CACNA1S: variants seen among roughly 807,000 people sequenced by gnomAD.
CACNA1S encodes the protein voltage-dependent L-type calcium channel subunit alpha-1S.
A neutral mutation model predicts 207.4 loss-of-function variants in CACNA1S; 126 were observed. The ratio of observed to expected loss-of-function variants is 0.61; its 90% CI spans 0.53 to 0.70. The LOEUF (loss-of-function observed/expected upper bound fraction) is 0.70, where lower values mean the gene tolerates loss of function less well. CACNA1S is among the 30% of genes least tolerant of loss of function. The pLI, the probability that CACNA1S is intolerant of heterozygous loss-of-function variation, is 0.00. For synonymous variants in CACNA1S, 960 were observed against 932.7 expected (o/e 1.03, Z -0.53); for missense variants, 2,349 against 2,422.8 (o/e 0.97, Z 0.64).
Position 201,106,678 on chromosome 1 carries a change from C to T in CACNA1S, c.258+3486G>A, listed in dbSNP as rs550053970. On this transcript the variant is annotated intron_variant, in intron 2 of 43. Transcript: ENST00000362061. Reference sequence around the variant, plus strand: ...CAGGGCAAGTGCAGATTGCCACAAGCGCCTCCTCCTAATCTTCCCCCTCCA... The same window carrying T: ...CAGGGCAAGTGCAGATTGCCACAAGTGCCTCCTCCTAATCTTCCCCCTCCA... Among the ~76,000 whole-genome samples the T allele has an allele frequency of 7.2e-5, 11 of 152,214 alleles. No individual in the cohort carries two copies. In the East Asian group the frequency reaches 1.2e-3, roughly 16 times the overall value.
Position 201,052,601 on chromosome 1 carries a change from G to A in CACNA1S, c.3909C>T (p.Asn1303=). Residue 1303 remains asparagine (N), a synonymous_variant, in exon 32 of 44, where the codon AAC becomes AAT. Transcript: ENST00000362061. The stretch of plus-strand genomic sequence containing the variant: ...CTTGTGGGAAGGTCTGGAAGTTGTT[G>A]TTCCGGTTTATTTGGGTCCCATCCA... The part of the protein sequence containing the change: ...ALVDGTQINR[N]NNFQTFPQAV... 2 of 1,613,986 alleles carry A rather than the reference G, an allele frequency of 1.2e-6. No individual in the cohort carries two copies. Among genetic ancestry groups the A allele is most frequent in the Non-Finnish European group, 1.7e-6 (2 of 1,179,970 alleles).
chr1:201,050,860 C>A, intron 33 of CACNA1S, 124 bp downstream of exon 33: 1 of 1,036,818 alleles, frequency 9.6e-7, no homozygotes, highest in Non-Finnish European at 1.5e-6. Flanking sequence ...CTAACTAGAG[C>A]CTCCTGCGTC....
At chr1:201,069,325 G>GGAGT (rs1661366382) in intron 18 of CACNA1S, 129 bp from the exon 19 acceptor site, 2 of 1,407,732 alleles carry the variant, frequency 1.4e-6, no homozygotes, top group Non-Finnish European at 2.0e-6. Flanking sequence ...CAGAAGGAGT[G>GGAGT]GAGTGGGCAG....
chr1:201,075,930 T>C (rs758696035), intron 12 of CACNA1S, among the ~76,000 whole-genome samples: 4 of 152,180 alleles, frequency 2.6e-5, no homozygotes, highest in Non-Finnish European at 4.4e-5. Context: ...TAGCCAGGCA[T>C]GGTGGTGGGC....
chr1:201,079,119 C>A (rs1362915151), intron 10 of CACNA1S, among the ~76,000 whole-genome samples: 59 of 125,354 alleles, frequency 4.7e-4, no homozygotes, highest in Non-Finnish European at 5.2e-4. Flanking sequence ...GACTCCATCT[C>A]AAAAAAAAAA....
At chr1:201,072,725 C>G (rs768737316) in intron 16 of CACNA1S, 30 bp downstream of exon 16, 3 of 1,584,168 alleles carry the variant, frequency 1.9e-6, no homozygotes, top group Non-Finnish European at 2.6e-6. Flanking sequence ...CCCCAGCACC[C>G]TGCTCCAGTC....
chr1:201,065,796 T>G (rs1030091356), intron 22 of CACNA1S, 42 bp downstream of exon 22: 1 of 1,392,504 alleles, frequency 7.2e-7, no homozygotes. Flanking sequence ...GCACCAGGGC[T>G]GGGAGCGGGA....
At chr1:201,082,243 G>A (rs1298656755) in intron 10 of CACNA1S, among the ~76,000 whole-genome samples, 1 of 152,030 alleles carries the variant, frequency 6.6e-6, no homozygotes, top group African/African-American at 2.4e-5. Flanking sequence ...TGGCCAGGAT[G>A]GTCTCGATCT....
chr1:201,091,369 C>A (rs979498097), intron 5 of CACNA1S, among the ~76,000 whole-genome samples: 2 of 151,348 alleles, frequency 1.3e-5, no homozygotes, highest in Non-Finnish European at 2.9e-5. Flanking sequence ...GTCCAGAGAG[C>A]CTGGAACATA....
chr1:201,040,097 G>A lies in CACNA1S; in HGVS notation c.5371-15C>T, dbSNP rs1451519724. 1 of 1,613,992 alleles carries A rather than the reference G, an allele frequency of 6.2e-7. No individual in the cohort carries two copies. Among genetic ancestry groups the A allele is most frequent in the Admixed American group, 1.7e-5 (1 of 60,028 alleles). On this transcript the variant is annotated splice_polypyrimidine_tract_variant and intron_variant, in intron 43 of 43. Coordinates refer to ENST00000362061, the MANE Select transcript of CACNA1S (RefSeq NM_000069.3). ...CGAACCAGAGCCTGCAGGGAGGAGA[G>A]TAGGCTGAGTGGGGTCTTCCTGGGG...
intron 40 of CACNA1S, 114 bp downstream of exon 40, chr1:201,043,167 G>T: frequency 7.2e-7 from 1 of 1,388,382 alleles, no homozygotes; most frequent in South Asian, 1.2e-5. Context: ...GGGCACAAAG[G>T]CAAGCAAAAG....
Position 201,071,185 on chromosome 1 carries a change from C to A in CACNA1S, c.2228-781G>T, listed in dbSNP as rs1661427618. On this transcript the variant is annotated intron_variant, in intron 16 of 43. Coordinates refer to ENST00000362061, the MANE Select transcript of CACNA1S (RefSeq NM_000069.3). ...TGGTTCCCTCCCCTGACAGCTACCT[C>A]CTCCCTAACCCTCCTGGCCCCTGGC... 2.0e-5 allele frequency among the ~76,000 whole-genome samples: 3 copies of A among 152,146 alleles called. No individual in the cohort carries two copies. In the South Asian group the frequency reaches 6.2e-4, roughly 32 times the overall value.
chr1:201,075,630 G>T lies in CACNA1S; in HGVS notation c.1828-15C>A, dbSNP rs778758364. On this transcript the variant is annotated splice_polypyrimidine_tract_variant and intron_variant, in intron 12 of 43. Coordinates refer to ENST00000362061, the MANE Select transcript of CACNA1S (RefSeq NM_000069.3). ...CCTGTCAGTACCTGTATGGAGGGAG[G>T]ATAGAGGGCTCGGGAACACAGAGGG... is the stretch of plus-strand genomic sequence containing the variant. The T allele has an allele frequency of 1.2e-6, 2 of 1,613,754 alleles. No individual in the cohort carries two copies. The highest frequency in any genetic ancestry group is 4.5e-5 in the East Asian group (2 of 44,874).
chr1:201,040,641 G>T lies in CACNA1S; in HGVS notation c.5207C>A (p.Ala1736Glu). 1.2e-6 allele frequency: 2 copies of T among 1,613,942 alleles called. No homozygotes were observed. Among genetic ancestry groups the T allele is most frequent in the Non-Finnish European group, 8.5e-7 (1 of 1,179,920 alleles). ...LTQRAMPRGQ[A>E]PPAPCQCPRV... ...TGTTACCTGGCAGGGGGCAGGAGGT[G>T]CCTGGCCTCTGGGCATTGCCCTCTG... The change falls in exon 42 of 44, where the codon GCA becomes GAA. Residue 1736 changes from alanine to glutamate, a missense_variant. Transcript: ENST00000362061.
chr1:201,085,105 G>A (rs1486546059), intron 8 of CACNA1S, 74 bp from the exon 9 acceptor site: 10 of 1,027,778 alleles, frequency 9.7e-6, no homozygotes, highest in East Asian at 2.4e-5. Context: ...CTGGGCACCC[G>A]AGACAAGGGC....
At chr1:201,058,590 G>T in intron 27 of CACNA1S, 99 bp from the exon 28 acceptor site, 1 of 980,962 alleles carries the variant, frequency 1.0e-6, no homozygotes, top group Non-Finnish European at 1.6e-6. Flanking sequence ...CTAATGCGGA[G>T]CTGCGGGTTA....
chr1:201,094,504 G>C (rs971736901), intron 2 of CACNA1S, among the ~76,000 whole-genome samples: 2 of 151,892 alleles, frequency 1.3e-5, no homozygotes, highest in South Asian at 4.1e-4. Context: ...AAGGATCTGA[G>C]GTACCCAAAA....
rs1662415546 is a variant in CACNA1S at position 201,096,081 on chromosome 1, C to T, written c.259-2060G>A. Among the ~76,000 whole-genome samples, 3 of 152,308 alleles carry T rather than the reference C, an allele frequency of 2.0e-5. No individual in the cohort carries two copies. The South Asian group carries it at 6.2e-4, about 32-fold the overall frequency. ...ATAGTTTCAGTGCTCACAGGCTGGG[C>T]GGCCAGCCATGAACACCGGAGAACT... On this transcript the variant is annotated intron_variant, in intron 2 of 43. Transcript: ENST00000362061.
At chr1:201,100,534 T>C (rs1387667189) in intron 2 of CACNA1S, among the ~76,000 whole-genome samples, 1 of 152,214 alleles carries the variant, frequency 6.6e-6, no homozygotes, top group African/African-American at 2.4e-5. Flanking sequence ...ATCCTACCTC[T>C]GTCTCAGGGG....
Sources: gnomAD v4.1 joint callset for allele counts (sites outside exome capture counted in the v4.1 genomes callset) on GRCh38, gnomAD v4.1.1 for gene constraint, MANE v1.5 for transcripts, NCBI Gene and HGNC (gene_info 2026-07-23, HGNC 2026-07-21) for gene names.